The following USH2A variants were observed in gnomAD, a reference collection of about 807,000 sequenced individuals.
The protein encoded by USH2A is Usher syndrome 2A (autosomal recessive, mild).
A neutral mutation model predicts 538.9 loss-of-function variants in USH2A; 443 were observed. The ratio of observed to expected loss-of-function variants is 0.82; its 90% confidence interval spans 0.76 to 0.89. The LOEUF is 0.89. USH2A is among the 40% of genes least tolerant of loss of function. The pLI is 0.00. For synonymous variants in USH2A, 2,413 were observed against 2,273.5 expected, an observed-to-expected ratio of 1.06 and a Z score of -1.75; for missense variants, 6,633 against 6,324.8, an observed-to-expected ratio of 1.05 and a Z score of -1.65.
chr1:215,674,216 A>G lies in USH2A; in HGVS notation c.13695T>C (p.Tyr4565=). ...PVRTNGDIIN[Y]TLFIRELFER... ...CAAATAGTTCACGGATGAAGAGGGT[A>G]TAATTGATGATATCACCATTTGTTC... Residue 4565 remains tyrosine (Y), a synonymous_variant, in exon 63 of 72, where the codon TAT becomes TAC. Transcript: ENST00000307340. 1.2e-6 allele frequency: 2 copies of G among 1,614,182 alleles called. No individual in the cohort carries two copies. Among genetic ancestry groups the G allele is most frequent in the Middle Eastern group, 1.6e-4 (1 of 6,062 alleles).
chr1:216,231,941 A>G lies in USH2A; in HGVS notation c.2993+12T>C. On this transcript the variant is annotated intron_variant, in intron 14 of 71. Transcript: ENST00000307340. ...AGAAAGAGTTAAATTATTAAAGCTT[A>G]TAAAGATGTACCTTCCAGTCTGAGG... is the stretch of plus-strand genomic sequence containing the variant. The G allele has an allele frequency of 1.2e-6, 2 of 1,613,942 alleles. No homozygotes were observed. Among genetic ancestry groups the G allele is most frequent in the Non-Finnish European group, 1.7e-6 (2 of 1,179,812 alleles).
chr1:215,710,644 A>G (rs1202152691), intron 61 of USH2A, among the ~76,000 whole-genome samples: 1 of 152,096 alleles, frequency 6.6e-6, no homozygotes, highest in East Asian at 1.9e-4. Flanking sequence ...TCCTTAGACT[A>G]CAGACACTAA....
intron 49 of USH2A, among the ~76,000 whole-genome samples, chr1:215,800,398 A>G (rs759498535): frequency 1.2e-4 from 18 of 152,150 alleles, no homozygotes; most frequent in Admixed American, 6.5e-5. Context: ...TATATCTTAT[A>G]AGGTATGTGA....
intron 21 of USH2A, among the ~76,000 whole-genome samples, chr1:216,139,435 A>G (rs972320972): frequency 1.3e-5 from 2 of 152,112 alleles, no homozygotes; most frequent in Non-Finnish European, 2.9e-5. Context: ...GAAAAAAAAA[A>G]AAGAAAAAAT....
At chr1:216,310,907 C>T (rs1322624979) in intron 9 of USH2A, among the ~76,000 whole-genome samples, 1 of 152,116 alleles carries the variant, frequency 6.6e-6, no homozygotes, top group East Asian at 1.9e-4. Context: ...GGACATACAT[C>T]TATGTCTTTG....
chr1:216,106,667 C>T (rs1200343589), intron 21 of USH2A, among the ~76,000 whole-genome samples: 2 of 150,958 alleles, frequency 1.3e-5, no homozygotes, highest in Non-Finnish European at 3.0e-5. Flanking sequence ...CATTGATATC[C>T]AATTCTGCCT....
chr1:216,068,078 T>C (rs1019524545), intron 30 of USH2A, among the ~76,000 whole-genome samples: 1 of 152,108 alleles, frequency 6.6e-6, no homozygotes, highest in Non-Finnish European at 1.5e-5. Context: ...GAAATATTTC[T>C]AGAAATGATG....
chr1:215,949,668 A>T (rs1306969283), intron 37 of USH2A, among the ~76,000 whole-genome samples: 2 of 152,124 alleles, frequency 1.3e-5, no homozygotes, highest in African/African-American at 4.8e-5. Context: ...AAAATAAAGC[A>T]ACATATGTTT....
intron 21 of USH2A, among the ~76,000 whole-genome samples, chr1:216,109,512 A>G (rs1367974172): frequency 6.6e-6 from 1 of 152,184 alleles, no homozygotes; most frequent in African/African-American, 2.4e-5. Context: ...ATAGAAAAAG[A>G]TATTTCTTTA....
intron 21 of USH2A, among the ~76,000 whole-genome samples, chr1:216,125,173 T>C (rs2033222447): frequency 6.6e-6 from 1 of 151,928 alleles, no homozygotes; most frequent in Non-Finnish European, 1.5e-5. Context: ...AATTAGCATA[T>C]CTATATTTTT....
chr1:216,230,655 A>C (rs567581946), intron 14 of USH2A, among the ~76,000 whole-genome samples: 5 of 152,138 alleles, frequency 3.3e-5, no homozygotes, highest in Non-Finnish European at 7.4e-5. Context: ...GAACAGCCAA[A>C]AGGCAGGCAG....
In USH2A at chr1:215,798,973, G is replaced by A. The variant is rs1279478931; in HGVS notation, c.9892C>T (p.Gln3298Ter). 1 of 1,614,064 alleles carries A rather than the reference G, an allele frequency of 6.2e-7. No individual in the cohort carries two copies. The highest frequency in any genetic ancestry group is 1.1e-5 in the South Asian group (1 of 91,074). The change falls in exon 50 of 72, where the codon CAG becomes TAG. Residue 3298 changes from glutamine (Q) to a stop codon, truncating the protein, a stop_gained. Transcript: ENST00000307340. LOFTEE classifies it high-confidence loss of function. Reference protein sequence around the residue: ...DGHGQKCCGRQIVSNDLECCG... With the variant: ...DGHGQKCCGR ...CACTCTAAATCGTTGCTCACAATCT[G>A]TCTGCCACAGCACTTCTGGCCATGG...
chr1:215,996,068 AC>A (rs1668127956), intron 34 of USH2A, among the ~76,000 whole-genome samples: 1 of 151,936 alleles, frequency 6.6e-6, no homozygotes, highest in Admixed American at 6.6e-5. Flanking sequence ...GCAGCACCAC[AC>A]CCGGCTATTC....
chr1:216,287,706 G>A (rs2036914333), intron 11 of USH2A, among the ~76,000 whole-genome samples: 1 of 152,088 alleles, frequency 6.6e-6, no homozygotes, highest in South Asian at 2.1e-4. Flanking sequence ...ACTGTAACTC[G>A]TGTAGGTTAG....
intron 61 of USH2A, among the ~76,000 whole-genome samples, chr1:215,714,702 G>A (rs961045373): frequency 1.3e-5 from 2 of 152,086 alleles, no homozygotes; most frequent in African/African-American, 2.4e-5. Context: ...TTCTACAAAC[G>A]TTTATCTGGA....
chr1:216,330,309 A>G (rs2037833581), intron 4 of USH2A, among the ~76,000 whole-genome samples: 1 of 152,144 alleles, frequency 6.6e-6, no homozygotes, highest in Non-Finnish European at 1.5e-5. Flanking sequence ...TTCATATAGT[A>G]TATTAGAATG....
chr1:216,007,489 G>T (rs1056761451), intron 32 of USH2A, among the ~76,000 whole-genome samples: 2 of 152,182 alleles, frequency 1.3e-5, no homozygotes, highest in African/African-American at 4.8e-5. Context: ...CTGCCTGATG[G>T]AATAAGGATA....
At chr1:216,066,293 A>ATG (rs2031365714) in intron 30 of USH2A, among the ~76,000 whole-genome samples, 2 of 151,854 alleles carry the variant, frequency 1.3e-5, no homozygotes, top group African/African-American at 4.8e-5. Context: ...ACATGGTGAA[A>ATG]CCCTGTCTCC....
intron 3 of USH2A, among the ~76,000 whole-genome samples, chr1:216,409,910 C>G (rs1236148934): frequency 1.3e-5 from 2 of 152,062 alleles, no homozygotes; most frequent in Non-Finnish European, 2.9e-5. Context: ...AACGAACTAT[C>G]AACAGAGTGA....
Sources: gnomAD v4.1 joint callset for allele counts (sites outside exome capture counted in the v4.1 genomes callset) on GRCh38, gnomAD v4.1.1 for gene constraint, MANE v1.5 for transcripts, NCBI Gene and HGNC (gene_info 2026-07-23, HGNC 2026-07-21) for gene names.